ACCSL: variants seen among roughly 807,000 people sequenced by gnomAD.
ACCSL encodes probable inactive 1-aminocyclopropane-1-carboxylate synthase-like protein 2.
Under a neutral mutation model 61.7 loss-of-function variants are expected in ACCSL, and 55 were observed. The observed-to-expected ratio is 0.89, with a 90% confidence interval of 0.72 to 1.12. The LOEUF (loss-of-function observed/expected upper bound fraction) is 1.12, where lower values mean the gene tolerates loss of function less well. Ranked by LOEUF, ACCSL falls within the 50% of genes most tolerant of loss-of-function variation. The pLI, the probability that ACCSL is intolerant of heterozygous loss-of-function variation, is 0.00. For synonymous variants in ACCSL, 258 were observed against 264.3 expected, an observed-to-expected ratio of 0.98 and a Z score of 0.23; for missense variants, 632 against 698.0, an observed-to-expected ratio of 0.91 and a Z score of 1.07.
chr11:44,029,263 G>T, the ACCSL span, among the ~76,000 whole-genome samples: 1 of 152,214 alleles, frequency 6.6e-6, no homozygotes. Flanking sequence ...CCTCATCTCT[G>T]AGTACTCCCC....
At chr11:43,930,164 G>T in the ACCSL span, among the ~76,000 whole-genome samples, 2 of 152,124 alleles carry the variant, frequency 1.3e-5, no homozygotes, top group African/African-American at 2.4e-5. Flanking sequence ...TTCCCCTCTA[G>T]CCTGGGGTAA....
At chr11:43,957,822 C>G in the ACCSL span, among the ~76,000 whole-genome samples, 1 of 152,172 alleles carries the variant, frequency 6.6e-6, no homozygotes, top group East Asian at 1.9e-4. Flanking sequence ...GGGGGTGTAA[C>G]AAGGCATGTG....
In ACCSL at chr11:44,048,151, G is replaced by A; in HGVS notation, c.115G>A (p.Ala39Thr). Residue 39 changes from alanine (A) to threonine (T), a missense_variant, in exon 1 of 14, where the codon GCC (alanine) becomes ACC (threonine). Physicochemically the swap from Ala to Thr is moderately conservative, Grantham distance 58. Coordinates refer to ENST00000378832, the MANE Select transcript of ACCSL (RefSeq NM_001031854.2). ...GGAGATAACGCTGCACTTGCAGCAG[G>A]CCATGACGGAGCACTTCGTGCAGCT... ...LLEITLHLQQAMTEHFVQLTS... is the reference protein window; with the variant it reads ...LLEITLHLQQTMTEHFVQLTS... 6.2e-7 allele frequency: 1 copy of A among 1,614,192 alleles called. No individual in the cohort carries two copies. The highest frequency in any genetic ancestry group is 8.5e-7 in the Non-Finnish European group (1 of 1,180,042).
chr11:44,053,231 G>A (rs1436326611), intron 7 of ACCSL, among the ~76,000 whole-genome samples, 163 bp downstream of exon 7: 2 of 152,152 alleles, frequency 1.3e-5, no homozygotes, highest in East Asian at 1.9e-4. Flanking sequence ...CTGTGGGGAT[G>A]TTATGGCAGC....
the ACCSL span, among the ~76,000 whole-genome samples, chr11:43,986,634 G>C: frequency 6.6e-6 from 1 of 152,218 alleles, no homozygotes; most frequent in Non-Finnish European, 1.5e-5. Flanking sequence ...AACTTTACTG[G>C]GCTGGTTTCC....
At chr11:44,028,377 TA>T in the ACCSL span, among the ~76,000 whole-genome samples, 3 of 152,224 alleles carry the variant, frequency 2.0e-5, no homozygotes, top group East Asian at 3.9e-4. Flanking sequence ...TTTTCTCTGA[TA>T]ATGGAAATGT....
upstream of ACCSL, among the ~76,000 whole-genome samples, chr11:44,045,560 T>C (rs1952592939): frequency 6.6e-6 from 1 of 152,182 alleles, no homozygotes; most frequent in African/African-American, 2.4e-5. Flanking sequence ...GGGGTTCTCA[T>C]TCAAACTACT....
At chr11:43,951,021 G>T in the ACCSL span, among the ~76,000 whole-genome samples, 2 of 152,176 alleles carry the variant, frequency 1.3e-5, no homozygotes, top group Non-Finnish European at 2.9e-5. Flanking sequence ...GAAGACCCTT[G>T]TTATCCCTGG....
chr11:44,005,316 C>T, the ACCSL span, among the ~76,000 whole-genome samples: 2 of 152,052 alleles, frequency 1.3e-5, no homozygotes, highest in Non-Finnish European at 2.9e-5. Context: ...TACTGCTGAT[C>T]GTGGGCTGCA....
At chr11:44,033,833 A>G in the ACCSL span, among the ~76,000 whole-genome samples, 2 of 152,144 alleles carry the variant, frequency 1.3e-5, no homozygotes, top group Non-Finnish European at 2.9e-5. Flanking sequence ...CAAGGAAAAC[A>G]GCTTATTCAT....
chr11:43,956,155 T>C, the ACCSL span, among the ~76,000 whole-genome samples: 127 of 148,568 alleles, frequency 8.5e-4, 1 homozygote, highest in Admixed American at 4.0e-3. Context: ...ACAACTGGAG[T>C]CTTTACAGCT....
chr11:44,016,504 T>C, the ACCSL span, among the ~76,000 whole-genome samples: 1 of 152,298 alleles, frequency 6.6e-6, no homozygotes, highest in East Asian at 1.9e-4. Flanking sequence ...ACCTGAGGTT[T>C]TTTTGGGGAA....
chr11:43,987,644 C>T, the ACCSL span, among the ~76,000 whole-genome samples: 1 of 152,136 alleles, frequency 6.6e-6, no homozygotes, highest in Non-Finnish European at 1.5e-5. Flanking sequence ...CTGGCTGGCT[C>T]TGCCTCCCTC....
At chr11:43,999,773 T>C in the ACCSL span, among the ~76,000 whole-genome samples, 1 of 152,080 alleles carries the variant, frequency 6.6e-6, no homozygotes, top group Non-Finnish European at 1.5e-5. Context: ...GGTCTTTCAA[T>C]CCCCTTCCTG....
At chr11:43,989,901 C>A in the ACCSL span, among the ~76,000 whole-genome samples, 1 of 152,394 alleles carries the variant, frequency 6.6e-6, no homozygotes, top group African/African-American at 2.4e-5. Context: ...CTGGCGGCCC[C>A]GCCAAGAGGT....
chr11:43,968,790 A>C, the ACCSL span, among the ~76,000 whole-genome samples: 1 of 152,098 alleles, frequency 6.6e-6, no homozygotes, highest in Non-Finnish European at 1.5e-5. Flanking sequence ...TAACCTGACA[A>C]TGGAGACCGC....
intron 1 of ACCSL, among the ~76,000 whole-genome samples, chr11:44,049,419 CAAA>C (rs33944147): frequency 8.8e-5 from 3 of 33,916 alleles, no homozygotes; most frequent in Middle Eastern, 0.031. Flanking sequence ...GACCCTGTCT[CAAA>C]AAAAAAAAAA....
chr11:44,032,465 G>A, the ACCSL span, among the ~76,000 whole-genome samples: 1 of 152,230 alleles, frequency 6.6e-6, no homozygotes, highest in African/African-American at 2.4e-5. Context: ...AATGGTCCAG[G>A]CAGCTGCAGG....
chr11:44,054,866 T>C (rs886680525), intron 8 of ACCSL, among the ~76,000 whole-genome samples: 4 of 152,190 alleles, frequency 2.6e-5, no homozygotes, highest in African/African-American at 9.7e-5. Flanking sequence ...AAAAATTCTC[T>C]GGGCTACCCA....
Sources: gnomAD v4.1 joint callset for allele counts (sites outside exome capture counted in the v4.1 genomes callset) on GRCh38, gnomAD v4.1.1 for gene constraint, MANE v1.5 for transcripts, NCBI Gene and HGNC (gene_info 2026-07-23, HGNC 2026-07-21) for gene names.